CNTNAP2: variants seen among roughly 807,000 people sequenced by gnomAD.
The protein encoded by CNTNAP2 is contactin associated protein 2.
A neutral mutation model predicts 155.2 loss-of-function variants in CNTNAP2; 98 were observed. The ratio of observed to expected loss-of-function variants is 0.63; its 90% CI spans 0.54 to 0.75. CNTNAP2 has a LOEUF of 0.75. Among genes scored for constraint, CNTNAP2 ranks in the 30% least tolerant of loss-of-function variants. The probability of loss-of-function intolerance (pLI) is 0.00; values close to 1 mark genes in which losing one functional copy is unlikely to be tolerated. For missense variants in CNTNAP2, 1,727 were observed against 1,688.1 expected (o/e 1.02, Z -0.40); for synonymous variants, 651 against 631.2 (o/e 1.03, Z -0.47).
chr7:146,755,056 G>A (rs1000794934), intron 1 of CNTNAP2, among the ~76,000 whole-genome samples: 10 of 151,826 alleles, frequency 6.6e-5, no homozygotes, highest in Non-Finnish European at 1.5e-4. Context: ...AGTCTTTGGT[G>A]GTATTTTAGG....
At chr7:147,582,277 T>A (rs1198726369) in intron 12 of CNTNAP2, among the ~76,000 whole-genome samples, 1 of 152,138 alleles carries the variant, frequency 6.6e-6, no homozygotes, top group East Asian at 1.9e-4. Context: ...GATCATACTG[T>A]ATAGGTTCAC....
At chr7:146,823,904 A>G (rs1803347385) in intron 2 of CNTNAP2, among the ~76,000 whole-genome samples, 1 of 152,014 alleles carries the variant, frequency 6.6e-6, no homozygotes, top group Non-Finnish European at 1.5e-5. Context: ...AAGTTCTGGG[A>G]TACATGTGCA....
At chr7:146,344,126 C>T (rs1197471889) in intron 1 of CNTNAP2, among the ~76,000 whole-genome samples, 1 of 152,050 alleles carries the variant, frequency 6.6e-6, no homozygotes, top group African/African-American at 2.4e-5. Flanking sequence ...AAACAGAAAA[C>T]TTTTTTTGTT....
intron 1 of CNTNAP2, among the ~76,000 whole-genome samples, chr7:146,738,262 T>A (rs549503683): frequency 6.6e-6 from 1 of 151,852 alleles, no homozygotes; most frequent in Non-Finnish European, 1.5e-5. Context: ...CTGATAATAG[T>A]GATGTTCAAC....
intron 1 of CNTNAP2, among the ~76,000 whole-genome samples, chr7:146,639,996 G>C (rs1288479485): frequency 1.3e-5 from 2 of 152,182 alleles, no homozygotes; most frequent in South Asian, 4.1e-4. Flanking sequence ...TTTTAAAGAT[G>C]GGGTCAGAGT....
At chr7:146,911,875 C>T (rs915219107) in intron 3 of CNTNAP2, among the ~76,000 whole-genome samples, 3 of 151,966 alleles carry the variant, frequency 2.0e-5, no homozygotes, top group Non-Finnish European at 4.4e-5. Flanking sequence ...ATATATAATA[C>T]ATGGTAATTT....
chr7:146,480,132 C>T (rs550768165), intron 1 of CNTNAP2, among the ~76,000 whole-genome samples: 23 of 152,028 alleles, frequency 1.5e-4, no homozygotes, highest in Admixed American at 3.9e-4. Context: ...GATAACACAC[C>T]GACAGCAAAT....
intron 1 of CNTNAP2, among the ~76,000 whole-genome samples, chr7:146,484,242 T>C (rs1797022537): frequency 6.6e-6 from 1 of 152,192 alleles, no homozygotes; most frequent in Non-Finnish European, 1.5e-5. Flanking sequence ...TGCTATATGA[T>C]GTTCACATAA....
At chr7:146,673,647 A>C (rs941983690) in intron 1 of CNTNAP2, among the ~76,000 whole-genome samples, 14 of 152,186 alleles carry the variant, frequency 9.2e-5, no homozygotes, top group African/African-American at 3.1e-4. Context: ...AGCTGTAACC[A>C]ATCTGGCTGT....
At chr7:146,829,502 C>G (rs182914917) in intron 2 of CNTNAP2, among the ~76,000 whole-genome samples, 6 of 152,120 alleles carry the variant, frequency 3.9e-5, no homozygotes, top group African/African-American at 1.4e-4. Flanking sequence ...ATGGAAAGAA[C>G]TTGTAGTAAA....
intron 10 of CNTNAP2, among the ~76,000 whole-genome samples, chr7:147,438,135 C>T (rs1797582302): frequency 6.6e-6 from 1 of 152,010 alleles, no homozygotes; most frequent in Non-Finnish European, 1.5e-5. Context: ...TTATCTAGGA[C>T]TTCCATTACT....
At position 147,156,626 on chromosome 7, in the gene CNTNAP2, G is replaced by A. The variant is rs949935080; in HGVS notation, c.1348+24117G>A. Among the ~76,000 whole-genome samples the A allele has an allele frequency of 2.0e-5, 3 of 152,222 alleles. No homozygotes were observed. The East Asian group carries it at 5.8e-4, about 29-fold the overall frequency. ...CATCTGAGTCTTAAAAGAATTTTGAGAGGCAATGAGAAAAGGTACAGCTCT... is the reference window on the plus strand; with the variant it reads ...CATCTGAGTCTTAAAAGAATTTTGAAAGGCAATGAGAAAAGGTACAGCTCT... On this transcript the variant is annotated intron_variant, in intron 8 of 23. Transcript: ENST00000361727.
chr7:146,602,888 C>T (rs1339132976), intron 1 of CNTNAP2, among the ~76,000 whole-genome samples: 1 of 143,784 alleles, frequency 7.0e-6, no homozygotes, highest in South Asian at 2.2e-4. Context: ...GTCATTCTAT[C>T]TTGGAGGTCT....
intron 3 of CNTNAP2, among the ~76,000 whole-genome samples, chr7:146,972,998 A>T (rs1797833060): frequency 6.6e-6 from 1 of 152,122 alleles, no homozygotes; most frequent in Admixed American, 6.6e-5. Flanking sequence ...GTAAAAATTC[A>T]GTTTCTCAGT....
intron 15 of CNTNAP2, among the ~76,000 whole-genome samples, chr7:147,984,469 A>G (rs1399114960): frequency 1.3e-5 from 2 of 152,326 alleles, no homozygotes; most frequent in East Asian, 3.9e-4. Flanking sequence ...TTCAGAGTTC[A>G]GACTGGAATC....
At chr7:147,210,415 TG>T (rs1274778492) in intron 8 of CNTNAP2, among the ~76,000 whole-genome samples, 1 of 152,014 alleles carries the variant, frequency 6.6e-6, no homozygotes, top group East Asian at 1.9e-4. Flanking sequence ...GGATCTTTTG[TG>T]TTTCTGAGGG....
chr7:146,585,761 A>AAAGT (rs1436652677), intron 1 of CNTNAP2, among the ~76,000 whole-genome samples: 2 of 151,276 alleles, frequency 1.3e-5, no homozygotes, highest in Non-Finnish European at 2.9e-5. Flanking sequence ...GGAAAGAAAG[A>AAAGT]AAGGAAAGAA....
intron 1 of CNTNAP2, among the ~76,000 whole-genome samples, chr7:146,397,183 C>A (rs1437649967): frequency 6.6e-6 from 1 of 152,158 alleles, no homozygotes. Context: ...TAAACTGATT[C>A]TGGGTCCATT....
At chr7:146,459,266 A>G (rs1796602496) in intron 1 of CNTNAP2, among the ~76,000 whole-genome samples, 1 of 152,184 alleles carries the variant, frequency 6.6e-6, no homozygotes, top group Admixed American at 6.5e-5. Flanking sequence ...AGGAGAAAAT[A>G]TATAGATGGT....
Sources: gnomAD v4.1 joint callset for allele counts (sites outside exome capture counted in the v4.1 genomes callset) on GRCh38, gnomAD v4.1.1 for gene constraint, MANE v1.5 for transcripts, NCBI Gene and HGNC (gene_info 2026-07-23, HGNC 2026-07-21) for gene names.